ZNG1A: variants seen among roughly 807,000 people sequenced by gnomAD.
ZNG1A encodes the protein zinc-regulated GTPase metalloprotein activator 1A.
At chr9:123,880 A>C in the ZNG1A span, 4 of 156,696 alleles carry the variant, frequency 2.6e-5, no homozygotes, top group Admixed American at 2.5e-4. Context: ...GGGAGTGAAG[A>C]TAACTATTTC....
the ZNG1A span, chr9:147,460 C>A: frequency 5.1e-5 from 6 of 117,178 alleles, no homozygotes; most frequent in Non-Finnish European, 8.3e-5. Context: ...CTATCACATA[C>A]TCGTACTCGT....
chr9:127,425 T>C, the ZNG1A span, among the ~76,000 whole-genome samples: 2 of 152,084 alleles, frequency 1.3e-5, no homozygotes, highest in East Asian at 3.9e-4. Context: ...TTTTTCATTA[T>C]ATAATGTCCC....
At chr9:148,581 GA>G in the ZNG1A span, 10 of 81,572 alleles carry the variant, frequency 1.2e-4, no homozygotes, top group Admixed American at 5.5e-4. Context: ...AAATCGCCAA[GA>G]AAAAAAAAAA....
chr9:172,524 T>C, the ZNG1A span: 1 of 182,764 alleles, frequency 5.5e-6, no homozygotes, highest in Non-Finnish European at 1.2e-5. Flanking sequence ...TTTAATATAA[T>C]AGCTAAAGAG....
At chr9:154,840 A>G in the ZNG1A span, 2 of 1,399,392 alleles carry the variant, frequency 1.4e-6, no homozygotes, top group Non-Finnish European at 9.9e-7. Flanking sequence ...TAAATAATAT[A>G]CACGCATGCA....
chr9:154,859 C>T, the ZNG1A span: 16 of 1,335,686 alleles, frequency 1.2e-5, no homozygotes, highest in Middle Eastern at 1.9e-4. Flanking sequence ...CAGATTAATA[C>T]ATCAAAAGAG....
chr9:168,247 T>TTTTA, the ZNG1A span, among the ~76,000 whole-genome samples: 8,297 of 141,926 alleles, frequency 0.058, 902 homozygotes, highest in African/African-American at 0.22. Flanking sequence ...CAGACTTATT[T>TTTTA]TTTATTTATT....
At chr9:164,682 CCCT>C in the ZNG1A span, among the ~76,000 whole-genome samples, 1 of 144,574 alleles carries the variant, frequency 6.9e-6, no homozygotes, top group Non-Finnish European at 1.5e-5. Flanking sequence ...AAACCACATA[CCCT>C]GATTAGTATG....
At chr9:152,375 G>GA in the ZNG1A span, among the ~76,000 whole-genome samples, 3 of 152,078 alleles carry the variant, frequency 2.0e-5, no homozygotes, top group Admixed American at 6.6e-5. Flanking sequence ...CTTCACTTTA[G>GA]AAAAAATCAT....
chr9:172,290 A>C, the ZNG1A span: 2 of 1,321,646 alleles, frequency 1.5e-6, no homozygotes, highest in Non-Finnish European at 2.1e-6. Context: ...GGAATGTGAA[A>C]ATTTAACTCA....
At chr9:127,755 TTTG>T in the ZNG1A span, among the ~76,000 whole-genome samples, 1 of 152,274 alleles carries the variant, frequency 6.6e-6, no homozygotes, top group Non-Finnish European at 1.5e-5. Flanking sequence ...TTTTCTGGTT[TTTG>T]TTGTTTTTCT....
At chr9:160,247 A>T in the ZNG1A span, 2 of 451,902 alleles carry the variant, frequency 4.4e-6, no homozygotes, top group Non-Finnish European at 8.9e-6. Context: ...GGCTGGCCAC[A>T]GGGTACCATT....
At chr9:137,584 T>C in the ZNG1A span, among the ~76,000 whole-genome samples, 8 of 151,692 alleles carry the variant, frequency 5.3e-5, no homozygotes, top group Non-Finnish European at 1.2e-4. Flanking sequence ...AACCTTGAAG[T>C]AAAAAGAAGA....
At chr9:129,564 C>T in the ZNG1A span, among the ~76,000 whole-genome samples, 1 of 149,160 alleles carries the variant, frequency 6.7e-6, no homozygotes, top group Admixed American at 6.7e-5. Flanking sequence ...AAGCCAGTCA[C>T]AGAAGGACAA....
chr9:172,978 T>C, the ZNG1A span: 4 of 312,718 alleles, frequency 1.3e-5, no homozygotes, highest in East Asian at 2.9e-4. Context: ...ACAGATTAAA[T>C]TCAGAATAAT....
the ZNG1A span, among the ~76,000 whole-genome samples, chr9:170,443 T>C: frequency 6.6e-6 from 1 of 150,582 alleles, no homozygotes; most frequent in Non-Finnish European, 1.5e-5. Context: ...TGGAGTGCAG[T>C]GGCGTGATCT....
At chr9:174,559 T>C in the ZNG1A span, among the ~76,000 whole-genome samples, 1 of 151,912 alleles carries the variant, frequency 6.6e-6, no homozygotes, top group Non-Finnish European at 1.5e-5. Context: ...CAATAGGTTA[T>C]TTAATAAGAT....
chr9:162,787 C>A, the ZNG1A span, among the ~76,000 whole-genome samples: 159 of 150,438 alleles, frequency 1.1e-3, no homozygotes, highest in African/African-American at 3.8e-3. Flanking sequence ...AAATATAAGT[C>A]AAATTTCATA....
At chr9:146,159 C>G in the ZNG1A span, 2 of 1,572,900 alleles carry the variant, frequency 1.3e-6, no homozygotes, top group Non-Finnish European at 1.7e-6. Context: ...GAGATCAACT[C>G]TAAAAGGAAG....
Sources: gnomAD v4.1 joint callset for allele counts (sites outside exome capture counted in the v4.1 genomes callset) on GRCh38, gnomAD v4.1.1 for gene constraint, MANE v1.5 for transcripts, NCBI Gene and HGNC (gene_info 2026-07-23, HGNC 2026-07-21) for gene names.